The following MALRD1 variants were observed in gnomAD, a reference collection of about 807,000 sequenced individuals.
The protein encoded by MALRD1 is MAM and LDL-receptor class A domain-containing protein 1.
A neutral mutation model predicts 242.1 loss-of-function variants in MALRD1; 247 were observed. The ratio of observed to expected loss-of-function variants is 1.02; its 90% CI spans 0.92 to 1.13. The LOEUF (loss-of-function observed/expected upper bound fraction) is 1.13, where lower values mean the gene tolerates loss of function less well. MALRD1 is among the 50% of genes most tolerant of loss of function. The pLI is 0.00. For synonymous variants in MALRD1, 995 were observed against 866.6 expected (o/e 1.15, Z -2.60); for missense variants, 2,989 against 2,533.1 (o/e 1.18, Z -3.86).
At chr10:19,479,365 C>T (rs547361501) in intron 29 of MALRD1, among the ~76,000 whole-genome samples, 41 of 152,228 alleles carry the variant, frequency 2.7e-4, no homozygotes, top group Non-Finnish European at 5.0e-4. Flanking sequence ...GTGGAAGGAA[C>T]AGCACCTAAG....
At chr10:19,644,058 C>G (rs182050971) in intron 36 of MALRD1, among the ~76,000 whole-genome samples, 2 of 152,316 alleles carry the variant, frequency 1.3e-5, no homozygotes, top group African/African-American at 2.4e-5. Flanking sequence ...TTTACTGCTA[C>G]TTGACCTAAC....
rs199973822 is a variant in MALRD1, at chr10:19,731,492, T to TTGTGTGTG, written c.6390+732_6390+739dup. On this transcript the variant is annotated intron_variant, in intron 39 of 39. Coordinates refer to ENST00000454679, the MANE Select transcript of MALRD1 (RefSeq NM_001142308.3). ...TATCTATCACCTCACATAGTTTACTTTGTGTGTGTGTGTGTGTGTGTGTGT... is the reference window on the plus strand; with the variant it reads ...TATCTATCACCTCACATAGTTTACTTTGTGTGTGTGTGTGTGTGTGTGTGTGTGTGTGT... Among the ~76,000 whole-genome samples, 454 of 146,982 alleles carry TTGTGTGTG rather than the reference T, an allele frequency of 3.1e-3. 1 individual carries two copies. The highest frequency in any genetic ancestry group is 0.011 in the African/African-American group (440 of 40,292).
At chr10:19,595,749 G>T (rs1004687173) in intron 34 of MALRD1, among the ~76,000 whole-genome samples, 2 of 152,062 alleles carry the variant, frequency 1.3e-5, no homozygotes, top group African/African-American at 2.4e-5. Context: ...TCTCATTAAC[G>T]TGTTTATGGA....
At chr10:19,146,155 C>T (rs986598349) in intron 10 of MALRD1, 43 bp from the exon 11 acceptor site, 4 of 1,228,692 alleles carry the variant, frequency 3.3e-6, no homozygotes, top group Non-Finnish European at 4.1e-6. Flanking sequence ...TGCCTGCATG[C>T]TCTTCATTTC....
chr10:19,295,196 AATT>A (rs934949762), intron 21 of MALRD1, among the ~76,000 whole-genome samples: 13 of 150,724 alleles, frequency 8.6e-5, no homozygotes, highest in East Asian at 3.9e-4. Context: ...ATTTTGTGTT[AATT>A]ATTATTATTA....
Position 19,282,958 on chromosome 10 carries a change from A to G in MALRD1, c.3257-61A>G, listed in dbSNP as rs1840888923. Reference sequence around the variant, plus strand: ...CAAGAGTAAGAAAGTGCTGATTAAGATTGTACAGATAGAAACTGCCACTTA... The same window carrying G: ...CAAGAGTAAGAAAGTGCTGATTAAGGTTGTACAGATAGAAACTGCCACTTA... On this transcript the variant is annotated intron_variant, in intron 20 of 39. Transcript: ENST00000454679. 9 of 1,255,614 alleles carry G rather than the reference A, an allele frequency of 7.2e-6. No individual in the cohort carries two copies. In the South Asian group the frequency reaches 1.5e-4, roughly 22 times the overall value. 77.8% of individuals were successfully genotyped at this position (1,255,614 alleles called of 1,614,324 possible). A position where few individuals can be genotyped will look rare whatever the true frequency, so the allele number is the denominator to read the frequency against.
chr10:19,069,917 G>T (rs1216296864), intron 2 of MALRD1, among the ~76,000 whole-genome samples: 2 of 151,864 alleles, frequency 1.3e-5, no homozygotes, highest in African/African-American at 4.8e-5. Context: ...AAAGTATTTT[G>T]CTCTTGTTTA....
intron 19 of MALRD1, 27 bp from the exon 20 acceptor site, chr10:19,280,020 G>T: frequency 7.0e-7 from 1 of 1,436,196 alleles, no homozygotes; most frequent in East Asian, 2.6e-5. Context: ...CCTGCTAAAT[G>T]ATGCCTGTAT....
intron 2 of MALRD1, among the ~76,000 whole-genome samples, chr10:19,071,923 T>A (rs1264094212): frequency 6.6e-6 from 1 of 152,156 alleles, no homozygotes; most frequent in Non-Finnish European, 1.5e-5. Flanking sequence ...TTACTGAACA[T>A]CTGTATTGCT....
intron 13 of MALRD1, among the ~76,000 whole-genome samples, chr10:19,174,921 C>T (rs966171646): frequency 2.6e-5 from 4 of 152,086 alleles, no homozygotes; most frequent in African/African-American, 7.2e-5. Context: ...ATTATAAATG[C>T]ATATGACTCT....
At chr10:19,485,647 A>T (rs1170251175) in intron 29 of MALRD1, among the ~76,000 whole-genome samples, 2 of 9,440 alleles carry the variant, frequency 2.1e-4, no homozygotes, top group Non-Finnish European at 4.5e-4. Context: ...CGTCTCAATT[A>T]AAAAAAAAAA....
chr10:19,387,642 G>A lies in MALRD1; in HGVS notation c.4556G>A (p.Ser1519Asn). Residue 1519 changes from serine (S) to asparagine (N), a missense_variant, in exon 27 of 40, where the codon AGC becomes AAC. Coordinates refer to ENST00000454679, the MANE Select transcript of MALRD1 (RefSeq NM_001142308.3). Reference sequence around the variant, plus strand: ...AATACTGATGAAAATGAGTGTGGTAGCTCCTGTACTTTTGAAAAAGGCTGG... The same window carrying A: ...AATACTGATGAAAATGAGTGTGGTAACTCCTGTACTTTTGAAAAAGGCTGG... ...GDNTDENECGSSCTFEKGWCG... is the reference protein window; with the variant it reads ...GDNTDENECGNSCTFEKGWCG... 1 of 1,550,380 alleles carries A rather than the reference G, an allele frequency of 6.5e-7. No individual in the cohort carries two copies. The highest frequency in any genetic ancestry group is 1.4e-5 in the African/African-American group (1 of 73,122).
At chr10:19,082,042 G>T (rs1400610596) in intron 2 of MALRD1, among the ~76,000 whole-genome samples, 1 of 151,598 alleles carries the variant, frequency 6.6e-6, no homozygotes, top group East Asian at 1.9e-4. Flanking sequence ...TATGTTGTTT[G>T]TTGCCATTTT....
intron 18 of MALRD1, among the ~76,000 whole-genome samples, chr10:19,238,988 A>G (rs1184795745): frequency 2.0e-5 from 3 of 150,320 alleles, no homozygotes; most frequent in Admixed American, 6.6e-5. Flanking sequence ...GTTGAACATG[A>G]TTTTATTATA....
intron 32 of MALRD1, among the ~76,000 whole-genome samples, chr10:19,556,695 A>G (rs1211087734): frequency 6.6e-6 from 1 of 152,142 alleles, no homozygotes; most frequent in Non-Finnish European, 1.5e-5. Flanking sequence ...AAGTTTTGGC[A>G]ATTATAAATA....
Position 19,567,688 on chromosome 10 carries a change from G to A in MALRD1, c.5665G>A (p.Glu1889Lys). The change falls in exon 33 of 40, where the codon GAG (glutamate) becomes AAG (lysine). Residue 1889 changes from glutamate (E) to lysine (K), a missense_variant. By Grantham distance (56) the Glu-to-Lys change is moderately conservative. Coordinates refer to ENST00000454679, the MANE Select transcript of MALRD1 (RefSeq NM_001142308.3). ...IALDDISFTP[E>K]CVTGGPVPVQ... ...TCTTGATGACATCTCTTTTACCCCA[G>A]AGTGTGTGACTGGAGGTAAGTGATT... 1 of 1,550,420 alleles carries A rather than the reference G, an allele frequency of 6.4e-7. No individual in the cohort carries two copies. Among genetic ancestry groups the A allele is most frequent in the Non-Finnish European group, 8.7e-7 (1 of 1,146,760 alleles).
rs903534578 is a variant in MALRD1, at chr10:19,505,731, A to G, written c.5320+7085A>G. ...GCTTCTCACATTTCAACCAATGATC[A>G]CTGCTTCCAAACACAACTGCTCGCA... On this transcript the variant is annotated intron_variant, in intron 31 of 39. Coordinates refer to ENST00000454679, the MANE Select transcript of MALRD1 (RefSeq NM_001142308.3). Among the ~76,000 whole-genome samples, 4 of 152,220 alleles carry G rather than the reference A, an allele frequency of 2.6e-5. No individual in the cohort carries two copies. In the East Asian group the frequency reaches 7.7e-4, roughly 29 times the overall value.
At chr10:19,692,158 A>G (rs182840666) in intron 36 of MALRD1, 124 bp from the exon 37 acceptor site, 10 of 751,470 alleles carry the variant, frequency 1.3e-5, no homozygotes, top group Admixed American at 3.6e-5. Flanking sequence ...TTTTTTATCA[A>G]AGTTATCCAT....
intron 36 of MALRD1, among the ~76,000 whole-genome samples, chr10:19,645,348 T>C (rs953188730): frequency 5.3e-5 from 8 of 152,172 alleles, no homozygotes; most frequent in African/African-American, 1.9e-4. Context: ...GAACTAGAAA[T>C]ACCATTTGAA....
Sources: gnomAD v4.1 joint callset for allele counts (sites outside exome capture counted in the v4.1 genomes callset) on GRCh38, gnomAD v4.1.1 for gene constraint, MANE v1.5 for transcripts, NCBI Gene and HGNC (gene_info 2026-07-23, HGNC 2026-07-21) for gene names.